SLC5A4: variants seen among roughly 807,000 people sequenced by gnomAD.
The protein encoded by SLC5A4 is probable glucose sensor protein SLC5A4.
SLC5A4 carries 55 observed loss-of-function variants against 70.3 expected under a neutral mutation model. That is an observed-to-expected ratio of 0.78 (90% CI 0.63 to 0.98). The LOEUF (loss-of-function observed/expected upper bound fraction) is 0.98. Ranked by LOEUF, SLC5A4 falls within the 50% of genes least tolerant of loss-of-function variation. The pLI is 0.00. For synonymous variants in SLC5A4, 268 were observed against 305.7 expected, an observed-to-expected ratio of 0.88 and a Z score of 1.29; for missense variants, 735 against 839.2, an observed-to-expected ratio of 0.88 and a Z score of 1.53.
intron 12 of SLC5A4, 74 bp from the exon 13 acceptor site, chr22:32,224,556 A>G: frequency 8.3e-7 from 1 of 1,206,076 alleles, no homozygotes; most frequent in South Asian, 1.3e-5. Context: ...TCATCATTAT[A>G]ATCCTGCCTG....
At chr22:32,327,264 C>T in the SLC5A4 span, 2 of 152,260 alleles carry the variant, frequency 1.3e-5, no homozygotes, top group South Asian at 4.1e-4. Flanking sequence ...GTGGTATGTC[C>T]ACACAATGCA....
At chr22:32,286,417 T>C in the SLC5A4 span, among the ~76,000 whole-genome samples, 1 of 152,180 alleles carries the variant, frequency 6.6e-6, no homozygotes, top group Non-Finnish European at 1.5e-5. Context: ...TGTGTTGAGA[T>C]TGTGGAGACA....
At chr22:32,221,488 T>C (rs1925077974) in intron 13 of SLC5A4, among the ~76,000 whole-genome samples, 1 of 152,204 alleles carries the variant, frequency 6.6e-6, no homozygotes, top group Non-Finnish European at 1.5e-5. Flanking sequence ...TGAATTCCAG[T>C]TGCAATTAGT....
chr22:32,331,087 G>GGT, the SLC5A4 span, among the ~76,000 whole-genome samples: 10 of 117,058 alleles, frequency 8.5e-5, no homozygotes, highest in East Asian at 2.6e-4. Context: ...TGAAGGCTCT[G>GGT]GTGTGTGTGT....
At chr22:32,272,853 GA>G in the SLC5A4 span, 1 of 512,838 alleles carries the variant, frequency 1.9e-6, no homozygotes, top group South Asian at 1.5e-5. Context: ...CCATGCAGGA[GA>G]AAACCTACTG....
the SLC5A4 span, among the ~76,000 whole-genome samples, chr22:32,281,227 C>T: frequency 7.9e-5 from 12 of 152,140 alleles, no homozygotes; most frequent in African/African-American, 2.4e-4. Context: ...GCCAGCCACT[C>T]GGTTATTTTC....
chr22:32,346,312 T>C, the SLC5A4 span, among the ~76,000 whole-genome samples: 2 of 152,276 alleles, frequency 1.3e-5, no homozygotes, highest in African/African-American at 4.8e-5. Flanking sequence ...AAAGATATTA[T>C]TGTCGCTACC....
the SLC5A4 span, among the ~76,000 whole-genome samples, chr22:32,332,666 TCA>T: frequency 6.6e-6 from 1 of 152,142 alleles, no homozygotes; most frequent in South Asian, 2.1e-4. Context: ...CTTCCATTAT[TCA>T]CACCTCACTT....
upstream of SLC5A4, chr22:32,255,452 T>A: frequency 2.9e-6 from 3 of 1,047,768 alleles, no homozygotes; most frequent in Non-Finnish European, 4.3e-6. Context: ...TGGAGACCTT[T>A]AAACCTCTTC....
At chr22:32,326,955 C>A in the SLC5A4 span, among the ~76,000 whole-genome samples, 2 of 152,242 alleles carry the variant, frequency 1.3e-5, no homozygotes, top group African/African-American at 2.4e-5. Flanking sequence ...AATGGACTCA[C>A]CCCCGCAGCC....
the SLC5A4 span, among the ~76,000 whole-genome samples, chr22:32,294,067 T>C: frequency 0.15 from 22,014 of 151,790 alleles, 1,739 homozygotes; most frequent in Non-Finnish European, 0.19. Context: ...TCTACTTCAG[T>C]TTAGTAGAGC....
the SLC5A4 span, among the ~76,000 whole-genome samples, chr22:32,310,071 G>A: frequency 1.5e-5 from 2 of 137,682 alleles, no homozygotes; most frequent in African/African-American, 2.7e-5. Flanking sequence ...GGGGGAGGGA[G>A]GACGGGGGAT....
At chr22:32,252,010 A>G in intron 2 of SLC5A4, 136 bp from the exon 3 acceptor site, 3 of 609,708 alleles carry the variant, frequency 4.9e-6, no homozygotes, top group Non-Finnish European at 8.9e-6. Context: ...CGGGTGGATC[A>G]CAAGGTCAGG....
the SLC5A4 span, among the ~76,000 whole-genome samples, chr22:32,290,777 G>T: frequency 6.6e-6 from 1 of 152,136 alleles, no homozygotes; most frequent in Non-Finnish European, 1.5e-5. Flanking sequence ...TCACATGATA[G>T]AAGAGATGGA....
chr22:32,255,396 C>T (rs1927426574), upstream of SLC5A4: 1 of 1,548,112 alleles, frequency 6.5e-7, no homozygotes, highest in Non-Finnish European at 8.9e-7. Context: ...GGTTAATGAT[C>T]AGCCTCAGGC....
intron 14 of SLC5A4, among the ~76,000 whole-genome samples, chr22:32,219,087 C>A (rs1233262347): frequency 6.6e-6 from 1 of 152,146 alleles, no homozygotes; most frequent in African/African-American, 2.4e-5. Flanking sequence ...AGAAAAAAGA[C>A]ACATGGTTCT....
At chr22:32,218,748 A>T in intron 14 of SLC5A4, 23 bp from the exon 15 acceptor site, 1 of 1,559,864 alleles carries the variant, frequency 6.4e-7, no homozygotes, top group African/African-American at 1.4e-5. Context: ...TAAGCAAATG[A>T]TTGCAGAAGA....
chr22:32,305,929 T>G, the SLC5A4 span, among the ~76,000 whole-genome samples: 1 of 151,302 alleles, frequency 6.6e-6, no homozygotes, highest in Non-Finnish European at 1.5e-5. Context: ...CCCTGCCCCT[T>G]TAGAGGTGGC....
chr22:32,305,915 T>TTGCCCC, the SLC5A4 span, among the ~76,000 whole-genome samples: 1 of 151,156 alleles, frequency 6.6e-6, no homozygotes, highest in Non-Finnish European at 1.5e-5. Context: ...CTCTCTGACC[T>TTGCCCC]TGCCCCTGCC....
Sources: allele counts gnomAD v4.1 joint callset (sites outside exome capture counted in the v4.1 genomes callset), GRCh38; gene constraint gnomAD v4.1.1; transcripts MANE v1.5; gene names NCBI Gene and HGNC (gene_info 2026-07-23, HGNC 2026-07-21).